Variants in PRUNE2 observed in about 807,000 individuals in gnomAD.
PRUNE2 encodes the protein prune homolog 2 with BCH domain.
PRUNE2 carries 164 observed loss-of-function variants against 252.0 expected under a neutral mutation model. The ratio of observed to expected loss-of-function variants is 0.65; its 90% CI spans 0.57 to 0.74. The LOEUF is 0.74. PRUNE2 is among the 30% of genes least tolerant of loss of function. The probability of loss-of-function intolerance (pLI) is 0.00; values close to 1 mark genes in which losing one functional copy is unlikely to be tolerated. For synonymous variants in PRUNE2, 1,292 were observed against 1,350.2 expected, an observed-to-expected ratio of 0.96 and a Z score of 0.94; for missense variants, 3,495 against 3,711.0, an observed-to-expected ratio of 0.94 and a Z score of 1.51.
At chr9:76,855,561 C>T (rs2060211448) in intron 1 of PRUNE2, among the ~76,000 whole-genome samples, 1 of 152,078 alleles carries the variant, frequency 6.6e-6, no homozygotes, top group Non-Finnish European at 1.5e-5. Flanking sequence ...GAGTCAAACG[C>T]AATAGGTTGT....
chr9:76,621,012 G>A (rs1187467840), intron 17 of PRUNE2, among the ~76,000 whole-genome samples: 1 of 152,176 alleles, frequency 6.6e-6, no homozygotes, highest in African/African-American at 2.4e-5. Flanking sequence ...GGCAGGCTGA[G>A]GAAATCACCT....
At chr9:76,670,720 GCCT>G (rs1198158693) in intron 9 of PRUNE2, among the ~76,000 whole-genome samples, 3 of 151,956 alleles carry the variant, frequency 2.0e-5, no homozygotes, top group African/African-American at 4.8e-5. Flanking sequence ...CAGGCAGACT[GCCT>G]CCTCAAGTGG....
At chr9:76,765,389 G>C (rs558849498) in intron 6 of PRUNE2, among the ~76,000 whole-genome samples, 1 of 152,188 alleles carries the variant, frequency 6.6e-6, no homozygotes, top group Admixed American at 6.5e-5. Context: ...CCTTATATTT[G>C]ATAACAGAGG....
intron 6 of PRUNE2, among the ~76,000 whole-genome samples, chr9:76,752,209 T>G (rs1429499755): frequency 6.6e-6 from 1 of 151,712 alleles, no homozygotes; most frequent in Non-Finnish European, 1.5e-5. Flanking sequence ...GCCATTCTCC[T>G]GCCTCAGCCT....
At chr9:76,741,372 A>G (rs1392032576) in intron 6 of PRUNE2, among the ~76,000 whole-genome samples, 1 of 152,242 alleles carries the variant, frequency 6.6e-6, no homozygotes, top group Admixed American at 6.5e-5. Context: ...TGATAGATTC[A>G]TGAAACAGAA....
chr9:76,894,407 C>T (rs2062684283), intron 1 of PRUNE2, among the ~76,000 whole-genome samples: 1 of 152,194 alleles, frequency 6.6e-6, no homozygotes, highest in African/African-American at 2.4e-5. Flanking sequence ...CCCTTCTTGC[C>T]TCCTTGGAGA....
chr9:76,720,707 T>C (rs543587021), intron 6 of PRUNE2, among the ~76,000 whole-genome samples: 2 of 152,292 alleles, frequency 1.3e-5, no homozygotes, highest in South Asian at 4.1e-4. Context: ...TATGACAATT[T>C]TTGCCTTATG....
chr9:76,735,789 GTAAGA>G (rs1228816586), intron 6 of PRUNE2, among the ~76,000 whole-genome samples: 3 of 152,152 alleles, frequency 2.0e-5, no homozygotes, highest in Non-Finnish European at 4.4e-5. Flanking sequence ...TTAGCTGGTA[GTAAGA>G]TAAGAATTGG....
chr9:76,819,771 G>A (rs1254997136), intron 6 of PRUNE2, among the ~76,000 whole-genome samples: 2 of 152,156 alleles, frequency 1.3e-5, no homozygotes, highest in African/African-American at 4.8e-5. Context: ...GTCAGCAAGG[G>A]AACCATTAAT....
intron 9 of PRUNE2, among the ~76,000 whole-genome samples, chr9:76,660,781 C>CAAAAAAAAAAAAAAAAA (rs11432174): frequency 9.9e-6 from 1 of 101,038 alleles, no homozygotes. Context: ...GACTCTGAAT[C>CAAAAAAAAAAAAAAAAA]AAAAAAAAAA....
chr9:76,897,480 C>A lies in PRUNE2; in HGVS notation c.36+8448G>T, dbSNP rs544337802. 2.5e-3 allele frequency among the ~76,000 whole-genome samples: 330 copies of A among 129,466 alleles called. 1 individual carries two copies. Among genetic ancestry groups the A allele is most frequent in the Middle Eastern group, 6.4e-3 (1 of 156 alleles). The allele number at this position is 129,466 out of a possible 152,430, so 84.9% of individuals were successfully genotyped here. On this transcript the variant is annotated intron_variant, in intron 1 of 18. Transcript: ENST00000376718. ...TCTGGAAGGAGTGCAGAGGCATGATCTCGGCTCACTGCAACCTCCACCTCC... is the reference window on the plus strand; with the variant it reads ...TCTGGAAGGAGTGCAGAGGCATGATATCGGCTCACTGCAACCTCCACCTCC...
Position 76,708,484 on chromosome 9 carries a change from A to G in PRUNE2, c.3790T>C (p.Ser1264Pro), listed in dbSNP as rs1588728712. ...CCAGAGGCTGCTGGCGCATCTGGGG[A>G]ATGAGTGTCTTTAACATTTGCTGAA... ...SHSANVKDTH[S>P]PDAPAASGTS... The change falls in exon 8 of 19, where the codon TCC (serine) becomes CCC (proline). Residue 1264 changes from serine to proline, a missense_variant. Coordinates refer to ENST00000376718, the MANE Select transcript of PRUNE2 (RefSeq NM_015225.3). 1 of 1,613,838 alleles carries G rather than the reference A, an allele frequency of 6.2e-7. No homozygotes were observed. The highest frequency in any genetic ancestry group is 8.5e-7 in the Non-Finnish European group (1 of 1,179,872).
chr9:76,710,627 A>G lies in PRUNE2; in HGVS notation c.1647T>C (p.Tyr549=). Residue 549 remains tyrosine, a synonymous_variant, in exon 8 of 19, where the codon TAT becomes TAC. Coordinates refer to ENST00000376718, the MANE Select transcript of PRUNE2 (RefSeq NM_015225.3). ...CCCCTGACAAAAGTGAACTGGATGA[A>G]TAATTAGACATGTTGGTTCCCATGC... ...LDGMGTNMSN[Y]SSSSLLSGAG... 6.2e-7 allele frequency: 1 copy of G among 1,613,404 alleles called. No homozygotes were observed. Among genetic ancestry groups the G allele is most frequent in the Non-Finnish European group, 8.5e-7 (1 of 1,179,652 alleles).
Position 76,906,010 on chromosome 9 carries a change from G to C in PRUNE2, c.-47C>G, listed in dbSNP as rs2063475151. On this transcript the variant is annotated 5_prime_UTR_variant, in exon 1 of 19. Transcript: ENST00000376718. ...CCCGGGTACTCGGAGGGGCGCAGTG[G>C]AAAATCTCGGCCCAAGGAAGACGAG... The C allele has an allele frequency of 1.2e-6, 2 of 1,603,150 alleles. No individual in the cohort carries two copies. Among genetic ancestry groups the C allele is most frequent in the Non-Finnish European group, 1.7e-6 (2 of 1,170,482 alleles).
chr9:76,810,769 T>C (rs1191345885), intron 6 of PRUNE2, among the ~76,000 whole-genome samples: 4 of 152,222 alleles, frequency 2.6e-5, no homozygotes, highest in Non-Finnish European at 4.4e-5. Context: ...AAGTCTTTGT[T>C]ACTTAGGGAA....
intron 1 of PRUNE2, among the ~76,000 whole-genome samples, chr9:76,855,082 A>AAAAAAAAAAAAAAATATATATAT (rs1490285240): frequency 1.8e-5 from 2 of 109,412 alleles, no homozygotes; most frequent in African/African-American, 7.7e-5. Context: ...AAAAAAAAAA[A>AAAAAAAAAAAAAAATATATATAT]ATATATATAT....
intron 6 of PRUNE2, among the ~76,000 whole-genome samples, chr9:76,798,534 G>T (rs2056296858): frequency 6.6e-6 from 1 of 152,152 alleles, no homozygotes; most frequent in African/African-American, 2.4e-5. Context: ...CCGTTCATCT[G>T]TGAATGGACA....
At chr9:76,788,498 G>C in intron 6 of PRUNE2, 2 of 720,820 alleles carry the variant, frequency 2.8e-6, no homozygotes, top group Middle Eastern at 2.3e-4. Flanking sequence ...CTATTCACCA[G>C]CCATGTGCCC....
At chr9:76,658,743 T>C (rs757932925) in intron 9 of PRUNE2, among the ~76,000 whole-genome samples, 9 of 152,244 alleles carry the variant, frequency 5.9e-5, no homozygotes, top group Non-Finnish European at 8.8e-5. Flanking sequence ...GGCTGTACTA[T>C]GGCTGAAACA....
Sources: allele counts gnomAD v4.1 joint callset (sites outside exome capture counted in the v4.1 genomes callset), GRCh38; gene constraint gnomAD v4.1.1; transcripts MANE v1.5; gene names NCBI Gene and HGNC (gene_info 2026-07-23, HGNC 2026-07-21).